The following RASGEF1C variants were observed in gnomAD, a reference collection of about 807,000 sequenced individuals.
RASGEF1C encodes the protein ras-GEF domain-containing family member 1C.
A neutral mutation model predicts 58.1 loss-of-function variants in RASGEF1C; 27 were observed. The ratio of observed to expected loss-of-function variants is 0.46; its 90% CI spans 0.34 to 0.64. The LOEUF (loss-of-function observed/expected upper bound fraction) is 0.64, where lower values mean the gene tolerates loss of function less well. Among genes scored for constraint, RASGEF1C ranks in the 30% least tolerant of loss-of-function variants. The pLI, the probability that RASGEF1C is intolerant of heterozygous loss-of-function variation, is 0.01. For synonymous variants in RASGEF1C, 243 were observed against 246.3 expected, an observed-to-expected ratio of 0.99 and a Z score of 0.13; for missense variants, 502 against 605.1, an observed-to-expected ratio of 0.83 and a Z score of 1.79.
At chr5:180,178,706 G>A (rs1403959093) in intron 1 of RASGEF1C, among the ~76,000 whole-genome samples, 7 of 152,204 alleles carry the variant, frequency 4.6e-5, no homozygotes, top group Non-Finnish European at 1.0e-4. Context: ...ACCAGCTGCT[G>A]CTGGCTTTCA....
At chr5:180,208,141 T>C (rs1309277517) in intron 1 of RASGEF1C, among the ~76,000 whole-genome samples, 1 of 151,964 alleles carries the variant, frequency 6.6e-6, no homozygotes, top group Non-Finnish European at 1.5e-5. Context: ...TTACCAGAGG[T>C]GGGACCCCAG....
rs568314915 is a variant in RASGEF1C, at chr5:180,152,463, A to G, written c.-6-14405T>C. Among the ~76,000 whole-genome samples, 142 of 151,276 alleles carry G rather than the reference A, an allele frequency of 9.4e-4. 1 individual carries two copies. The highest frequency in any genetic ancestry group is 3.3e-3 in the African/African-American group (135 of 41,176). ...TCATTCTCAGCAAACTATCGCAAGG[A>G]CAAAAAGCCAAACACTGCATGTTCT... is the stretch of plus-strand genomic sequence containing the variant. On this transcript the variant is annotated intron_variant, in intron 1 of 13. Coordinates refer to ENST00000361132, the MANE Select transcript of RASGEF1C (RefSeq NM_175062.4).
At chr5:180,208,545 G>A (rs1374361842) in intron 1 of RASGEF1C, among the ~76,000 whole-genome samples, 1 of 152,136 alleles carries the variant, frequency 6.6e-6, no homozygotes, top group Admixed American at 6.5e-5. Flanking sequence ...AGTGGCGCTG[G>A]TCCTTTCCTC....
chr5:180,144,264 A>G (rs1219056889), intron 1 of RASGEF1C, among the ~76,000 whole-genome samples: 1 of 152,060 alleles, frequency 6.6e-6, no homozygotes, highest in East Asian at 1.9e-4. Context: ...GCGACCCTCT[A>G]CCTGCCCATC....
At chr5:180,182,414 T>C (rs1347306630) in intron 1 of RASGEF1C, among the ~76,000 whole-genome samples, 1 of 151,964 alleles carries the variant, frequency 6.6e-6, no homozygotes, top group Non-Finnish European at 1.5e-5. Flanking sequence ...GCCGCAAGAT[T>C]TATTGTGAAG....
At chr5:180,110,222 G>C (rs77271640) in intron 12 of RASGEF1C, among the ~76,000 whole-genome samples, 2 of 152,102 alleles carry the variant, frequency 1.3e-5, no homozygotes, top group East Asian at 3.9e-4. Context: ...GGGTGGGAGC[G>C]GCTCAGACAG....
Position 180,191,063 on chromosome 5 carries a change from G to A in RASGEF1C, c.-7+17965C>T, listed in dbSNP as rs1581128296. On this transcript the variant is annotated intron_variant, in intron 1 of 13. Coordinates refer to ENST00000361132, the MANE Select transcript of RASGEF1C (RefSeq NM_175062.4). ...TGATGTCTCATATCATTAGTCATCT[G>A]GGAAGTGAAAATCGAAATCACAATG... Among the ~76,000 whole-genome samples the A allele has an allele frequency of 3.3e-5, 5 of 152,292 alleles. No individual in the cohort carries two copies. The South Asian group carries it at 1.0e-3, about 32-fold the overall frequency.
At chr5:180,110,484 T>C (rs1172226032) in intron 12 of RASGEF1C, among the ~76,000 whole-genome samples, 2 of 145,736 alleles carry the variant, frequency 1.4e-5, no homozygotes, top group Admixed American at 7.1e-5. Context: ...AGAAGCCAGG[T>C]CTTCTGCGTC....
At chr5:180,115,553 T>C (rs1301400193) in intron 10 of RASGEF1C, among the ~76,000 whole-genome samples, 1 of 152,104 alleles carries the variant, frequency 6.6e-6, no homozygotes, top group Non-Finnish European at 1.5e-5. Context: ...GGCAAATCTT[T>C]GCTAATCCCA....
intron 4 of RASGEF1C, among the ~76,000 whole-genome samples, chr5:180,134,477 G>T (rs1766431809): frequency 6.6e-6 from 1 of 151,492 alleles, no homozygotes; most frequent in African/African-American, 2.4e-5. Flanking sequence ...GACCCTTGGT[G>T]GTCAAAGAGA....
Position 180,126,125 on chromosome 5 carries a change from C to T in RASGEF1C, c.714+1484G>A, listed in dbSNP as rs557611157. On this transcript the variant is annotated intron_variant, in intron 6 of 13. Transcript: ENST00000361132. ...CAAACAAAAAATCTTACAAGAATCT[C>T]GGCCGGGCGCGGTAGCTCACGCCTG... Among the ~76,000 whole-genome samples, 5 of 152,132 alleles carry T rather than the reference C, an allele frequency of 3.3e-5. No homozygotes were observed. In the South Asian group the frequency reaches 8.3e-4, roughly 25 times the overall value.
At position 180,101,245 on chromosome 5, in the gene RASGEF1C, G is replaced by T; in HGVS notation, c.*256C>A. 1.8e-6 allele frequency: 1 copy of T among 561,464 alleles called. No homozygotes were observed. Among genetic ancestry groups the T allele is most frequent in the Middle Eastern group, 4.8e-4 (1 of 2,084 alleles). The allele number at this position is 561,464 out of a possible 1,614,324, so 34.8% of individuals were successfully genotyped here. A position where few individuals can be genotyped will look rare whatever the true frequency, so the allele number is the denominator to read the frequency against. On this transcript the variant is annotated 3_prime_UTR_variant, in exon 14 of 14. Transcript: ENST00000361132. ...CAGACTGACCAGGCCCCACGGTCCT[G>T]AAGGCAGGATGTCCCCAAGGCATGT...
chr5:180,104,303 G>A (rs942614394), intron 12 of RASGEF1C, among the ~76,000 whole-genome samples: 3 of 152,150 alleles, frequency 2.0e-5, no homozygotes, highest in African/African-American at 7.2e-5. Context: ...CTCATGGATG[G>A]GATTAGTGCC....
chr5:180,166,224 G>T (rs1251997826), intron 1 of RASGEF1C, among the ~76,000 whole-genome samples: 1 of 152,060 alleles, frequency 6.6e-6, no homozygotes, highest in Non-Finnish European at 1.5e-5. Context: ...TTATACTGTA[G>T]GTCTGCATAC....
At chr5:180,115,022 CCTT>C (rs1766039052) in intron 10 of RASGEF1C, among the ~76,000 whole-genome samples, 1 of 152,010 alleles carries the variant, frequency 6.6e-6, no homozygotes, top group African/African-American at 2.4e-5. Context: ...TTGGTGGCCT[CCTT>C]TTTTTTTTGA....
intron 1 of RASGEF1C, among the ~76,000 whole-genome samples, chr5:180,185,509 C>T (rs909979675): frequency 9.9e-5 from 15 of 151,910 alleles, no homozygotes; most frequent in African/African-American, 2.4e-4. Flanking sequence ...CACCTTTACC[C>T]GGGAGGTGGA....
At chr5:180,126,463 A>G (rs964128423) in intron 6 of RASGEF1C, among the ~76,000 whole-genome samples, 1 of 152,150 alleles carries the variant, frequency 6.6e-6, no homozygotes, top group Non-Finnish European at 1.5e-5. Flanking sequence ...AGTTGTTCCG[A>G]ATTCCCAGAG....
At chr5:180,181,927 G>A (rs1249499558) in intron 1 of RASGEF1C, among the ~76,000 whole-genome samples, 1 of 150,236 alleles carries the variant, frequency 6.7e-6, no homozygotes, top group East Asian at 2.0e-4. Context: ...CCATGGGCCG[G>A]GCGCAGTGGC....
At chr5:180,126,632 C>T (rs147355888) in intron 6 of RASGEF1C, among the ~76,000 whole-genome samples, 187 of 152,310 alleles carry the variant, frequency 1.2e-3, no homozygotes, top group Middle Eastern at 6.8e-3. Context: ...GGAGGTTGTT[C>T]TGTCCACCTT....
Sources: allele counts gnomAD v4.1 joint callset (sites outside exome capture counted in the v4.1 genomes callset), GRCh38; gene constraint gnomAD v4.1.1; transcripts MANE v1.5; gene names NCBI Gene and HGNC (gene_info 2026-07-23, HGNC 2026-07-21).